Variants in SBF2 observed in about 807,000 individuals in gnomAD.
SBF2 encodes SET binding factor 2.
SBF2 carries 112 observed loss-of-function variants against 225.2 expected under a neutral mutation model. That is an observed-to-expected ratio of 0.50 (90% CI 0.43 to 0.58). The LOEUF is 0.58. SBF2 is among the 20% of genes least tolerant of loss of function. SBF2 has a pLI of 0.00. For missense variants in SBF2, 1,996 were observed against 2,206.2 expected (o/e 0.90, Z 1.91); for synonymous variants, 763 against 773.3 (o/e 0.99, Z 0.22).
intron 16 of SBF2, among the ~76,000 whole-genome samples, chr11:9,943,887 A>G (rs1865422426): frequency 6.6e-6 from 1 of 152,214 alleles, no homozygotes; most frequent in Non-Finnish European, 1.5e-5. Flanking sequence ...GTATTTATCC[A>G]AGAGAAGCTC....
rs563259730 is a variant in SBF2, at chr11:9,966,879, C to A, written c.1600+1462G>T. On this transcript the variant is annotated intron_variant, in intron 14 of 39. Coordinates refer to ENST00000256190, the MANE Select transcript of SBF2 (RefSeq NM_030962.4). ...CTCAAAACATTAAACATAGAATTAC[C>A]ATATGACCCAGCAATTCCAATCCTA... 4.6e-5 allele frequency among the ~76,000 whole-genome samples: 7 copies of A among 152,202 alleles called. No individual in the cohort carries two copies. The East Asian group carries it at 1.4e-3, about 29-fold the overall frequency.
intron 16 of SBF2, among the ~76,000 whole-genome samples, chr11:9,911,064 AC>A (rs1862573372): frequency 6.8e-6 from 1 of 147,986 alleles, no homozygotes. Context: ...TCTCAAAAAA[AC>A]AAAAAAAACA....
intron 2 of SBF2, among the ~76,000 whole-genome samples, chr11:10,170,834 T>C (rs1012391647): frequency 1.3e-5 from 2 of 152,004 alleles, no homozygotes. Context: ...TTTTCATCAG[T>C]GATTTATAAT....
chr11:9,844,949 GATA>G (rs1245545662), intron 24 of SBF2, among the ~76,000 whole-genome samples: 1 of 151,922 alleles, frequency 6.6e-6, no homozygotes, highest in East Asian at 1.9e-4. Flanking sequence ...AACATAAAAA[GATA>G]ATGTCTTTGT....
chr11:10,137,019 G>C (rs774437710), intron 2 of SBF2, among the ~76,000 whole-genome samples: 1 of 152,120 alleles, frequency 6.6e-6, no homozygotes, highest in African/African-American at 2.4e-5. Flanking sequence ...CATCTTTACT[G>C]TATTGAGTCT....
chr11:10,090,761 T>C (rs1255142345), intron 2 of SBF2, among the ~76,000 whole-genome samples: 2 of 37,142 alleles, frequency 5.4e-5, no homozygotes, highest in Non-Finnish European at 1.2e-4. Flanking sequence ...CAAGATTCCA[T>C]CTCAAAAAAA....
rs200263159 is a variant in SBF2, at chr11:10,193,950, A to G, written c.93T>C (p.Phe31=). ...GEGLGKIIQR[F]PQKDWDDTPF... ...GTGTATCATCCCAGTCCTTCTGTGG[A>G]AATCTCTGGATTATTTTCCCCAGAC... Residue 31 remains phenylalanine (F), a synonymous_variant, in exon 2 of 40, where the codon TTT becomes TTC. Transcript: ENST00000256190. 2,946 of 1,613,064 alleles carry G rather than the reference A, an allele frequency of 1.8e-3. 63 individuals carry two copies. The South Asian group carries it at 0.031, about 17-fold the overall frequency.
intron 6 of SBF2, among the ~76,000 whole-genome samples, chr11:10,024,052 T>C (rs78169797): frequency 0.2 from 30,770 of 152,106 alleles, 3,981 homozygotes; most frequent in Non-Finnish European, 0.3. Context: ...CCACATTTTT[T>C]AGAACTTTAG....
At chr11:10,004,574 T>TAAAAAAAAA (rs763688115) in intron 6 of SBF2, among the ~76,000 whole-genome samples, 9 of 85,502 alleles carry the variant, frequency 1.1e-4, no homozygotes, top group East Asian at 3.3e-4. Context: ...CTACAAAAAT[T>TAAAAAAAAA]AAAAAAAAAA....
intron 1 of SBF2, among the ~76,000 whole-genome samples, chr11:10,234,681 T>C (rs1004894253): frequency 6.6e-6 from 1 of 152,220 alleles, no homozygotes; most frequent in Non-Finnish European, 1.5e-5. Flanking sequence ...TCAAAGATTA[T>C]TCGGATTTAA....
intron 32 of SBF2, among the ~76,000 whole-genome samples, chr11:9,800,040 C>G (rs963545957): frequency 1.3e-5 from 2 of 152,126 alleles, no homozygotes; most frequent in Non-Finnish European, 2.9e-5. Context: ...GAATTTGTGA[C>G]CAGCCTGGCC....
intron 2 of SBF2, among the ~76,000 whole-genome samples, chr11:10,050,023 C>T (rs1950006381): frequency 6.6e-6 from 1 of 152,086 alleles, no homozygotes; most frequent in African/African-American, 2.4e-5. Context: ...ACAAACTGCC[C>T]CTCTGATAAA....
At chr11:9,997,352 G>A (rs1947748105) in intron 9 of SBF2, among the ~76,000 whole-genome samples, 1 of 152,088 alleles carries the variant, frequency 6.6e-6, no homozygotes, top group Non-Finnish European at 1.5e-5. Context: ...ATTTGGCTAA[G>A]GTAAAATAAC....
chr11:10,192,400 C>T (rs908783928), intron 2 of SBF2, among the ~76,000 whole-genome samples: 1 of 152,076 alleles, frequency 6.6e-6, no homozygotes, highest in Non-Finnish European at 1.5e-5. Flanking sequence ...CAAAACTGGA[C>T]AGTTATTAGC....
intron 6 of SBF2, among the ~76,000 whole-genome samples, chr11:10,011,120 G>A (rs1333430958): frequency 2.6e-5 from 4 of 152,090 alleles, no homozygotes; most frequent in Non-Finnish European, 4.4e-5. Context: ...TACACATATA[G>A]TCTATTTACC....
intron 1 of SBF2, among the ~76,000 whole-genome samples, chr11:10,239,897 T>C (rs563701154): frequency 6.6e-6 from 1 of 152,322 alleles, no homozygotes; most frequent in South Asian, 2.1e-4. Flanking sequence ...TGTCTGTTTT[T>C]ATCTTTGTAA....
intron 2 of SBF2, among the ~76,000 whole-genome samples, chr11:10,085,080 C>A (rs1182140208): frequency 6.6e-6 from 1 of 152,032 alleles, no homozygotes; most frequent in Non-Finnish European, 1.5e-5. Flanking sequence ...CAAATTTGTA[C>A]AAAACAAAAC....
At chr11:9,944,140 C>A (rs1171117739) in intron 16 of SBF2, among the ~76,000 whole-genome samples, 2 of 152,116 alleles carry the variant, frequency 1.3e-5, no homozygotes. Flanking sequence ...ACAAGAAGGT[C>A]AAAATCAGGC....
chr11:9,828,927 T>C (rs566586139), intron 28 of SBF2, among the ~76,000 whole-genome samples: 100 of 148,946 alleles, frequency 6.7e-4, no homozygotes, highest in Non-Finnish European at 1.1e-3. Flanking sequence ...ATGATAAATA[T>C]GGGAATAAAG....
Sources: allele counts gnomAD v4.1 joint callset (sites outside exome capture counted in the v4.1 genomes callset), GRCh38; gene constraint gnomAD v4.1.1; transcripts MANE v1.5; gene names NCBI Gene and HGNC (gene_info 2026-07-23, HGNC 2026-07-21).